RYR3: variants seen among roughly 807,000 people sequenced by gnomAD.
The protein encoded by RYR3 is ryanodine receptor 3, also known as brain ryanodine receptor-calcium release channel.
In RYR3, 207 loss-of-function variants were observed where a neutral mutation model predicts 584.3. The observed-to-expected ratio is 0.35, with a 90% confidence interval of 0.32 to 0.40. RYR3 has a LOEUF of 0.40. Ranked by LOEUF, RYR3 falls within the 10% of genes least tolerant of loss-of-function variation. RYR3 has a pLI of 1.00. For missense variants in RYR3, 5,616 were observed against 6,089.2 expected (o/e 0.92, Z 2.59); for synonymous variants, 2,416 against 2,248.5 (o/e 1.07, Z -2.11).
At chr15:33,401,007 T>C (rs897117328) in intron 1 of RYR3, among the ~76,000 whole-genome samples, 1 of 152,002 alleles carries the variant, frequency 6.6e-6, no homozygotes, top group Admixed American at 6.5e-5. Flanking sequence ...GAAATAACTG[T>C]TGGTTCTGTA....
chr15:33,702,593 CCAAATGGCATTGT>C (rs1273143663), intron 42 of RYR3, among the ~76,000 whole-genome samples: 3 of 152,018 alleles, frequency 2.0e-5, no homozygotes, highest in African/African-American at 4.8e-5. Context: ...CCCAGGGCTC[CCAAATGGCATTGT>C]CAAGTAGGGA....
Position 33,662,804 on chromosome 15 carries a change from T to C in RYR3, c.5274T>C (p.His1758=). 6.2e-7 allele frequency: 1 copy of C among 1,613,840 alleles called. No individual in the cohort carries two copies. The highest frequency in any genetic ancestry group is 8.5e-7 in the Non-Finnish European group (1 of 1,179,846). ...TTGATCCCTCTGTGTTTGGGGAGCATAGTGCGGGGACAGAGGAGGGAGCAG... is the reference window on the plus strand; with the variant it reads ...TTGATCCCTCTGTGTTTGGGGAGCACAGTGCGGGGACAGAGGAGGGAGCAG... ...LLIDPSVFGE[H]SAGTEEGAEK... The change falls in exon 35 of 104, where the codon CAT becomes CAC. Residue 1758 remains histidine, a synonymous_variant. Coordinates refer to ENST00000634891, the MANE Select transcript of RYR3 (RefSeq NM_001036.6).
chr15:33,351,565 T>G (rs1479884372), intron 1 of RYR3, among the ~76,000 whole-genome samples: 11 of 149,368 alleles, frequency 7.4e-5, no homozygotes, highest in South Asian at 4.3e-4. Flanking sequence ...TCCACCATGA[T>G]CAAGTGGGCT....
chr15:33,700,312 G>A (rs1432874351), intron 41 of RYR3, among the ~76,000 whole-genome samples: 1 of 152,204 alleles, frequency 6.6e-6, no homozygotes, highest in Non-Finnish European at 1.5e-5. Flanking sequence ...CTGGCCAAGA[G>A]CAATCGTGGA....
chr15:33,808,301 C>T (rs969745715), intron 70 of RYR3, among the ~76,000 whole-genome samples: 4 of 152,194 alleles, frequency 2.6e-5, no homozygotes, highest in Non-Finnish European at 5.9e-5. Context: ...ATCCCATTCT[C>T]ATTTACAAAA....
chr15:33,771,188 C>T lies in RYR3; in HGVS notation c.8817-732C>T, dbSNP rs2073539935. ...GTTGACTTATTTCCTTGCTCTTTTC[C>T]TCTAAGAGGTCTTACATCGGAAGAG... On this transcript the variant is annotated intron_variant, in intron 62 of 103. Transcript: ENST00000634891. Among the ~76,000 whole-genome samples, 4 of 152,220 alleles carry T rather than the reference C, an allele frequency of 2.6e-5. No individual in the cohort carries two copies. In the South Asian group the frequency reaches 8.3e-4, roughly 32 times the overall value.
intron 39 of RYR3, among the ~76,000 whole-genome samples, chr15:33,697,287 T>A (rs1000221295): frequency 6.6e-6 from 1 of 152,202 alleles, no homozygotes; most frequent in Non-Finnish European, 1.5e-5. Context: ...ATGAAGCGAC[T>A]TTTATGGGAA....
intron 45 of RYR3, among the ~76,000 whole-genome samples, chr15:33,725,566 G>A (rs944682686): frequency 1.3e-5 from 2 of 152,120 alleles, no homozygotes; most frequent in African/African-American, 2.4e-5. Context: ...AGCCCCTCAA[G>A]TTCTCTCTGA....
intron 3 of RYR3, among the ~76,000 whole-genome samples, chr15:33,510,740 T>G (rs1050548983): frequency 2.0e-5 from 3 of 152,140 alleles, no homozygotes; most frequent in African/African-American, 7.2e-5. Context: ...ATGAGAGGCC[T>G]CCAAACTAAA....
intron 1 of RYR3, among the ~76,000 whole-genome samples, chr15:33,378,321 G>A (rs184520787): frequency 1.9e-4 from 29 of 152,262 alleles, no homozygotes; most frequent in Admixed American, 1.4e-3. Context: ...ACAGCTCCAT[G>A]TCCCCTCTGC....
intron 2 of RYR3, among the ~76,000 whole-genome samples, chr15:33,490,744 T>TAAAA (rs3084449): frequency 1.4e-4 from 20 of 142,342 alleles, no homozygotes; most frequent in African/African-American, 4.4e-4. Flanking sequence ...TTACTCTTGT[T>TAAAA]AAAAAAAAAA....
At chr15:33,808,856 G>C (rs993378586) in intron 70 of RYR3, among the ~76,000 whole-genome samples, 2 of 152,094 alleles carry the variant, frequency 1.3e-5, no homozygotes, top group African/African-American at 2.4e-5. Flanking sequence ...TCCCACTGCT[G>C]TCCAAGGGCT....
intron 12 of RYR3, 55 bp downstream of exon 12, chr15:33,566,854 A>G (rs2057744642): frequency 2.5e-6 from 4 of 1,594,038 alleles, no homozygotes; most frequent in South Asian, 2.2e-5. Context: ...TGGCCTGCCA[A>G]CACCACCACC....
At chr15:33,569,333 A>G (rs36034694) in intron 12 of RYR3, among the ~76,000 whole-genome samples, 1 of 152,204 alleles carries the variant, frequency 6.6e-6, no homozygotes, top group East Asian at 1.9e-4. Flanking sequence ...CAGTGTCATC[A>G]CTACTATCCA....
At position 33,860,668 on chromosome 15, in the gene RYR3, A is replaced by C; in HGVS notation, c.14364+9A>C. The C allele has an allele frequency of 6.4e-7, 1 of 1,556,656 alleles. No individual in the cohort carries two copies. Among genetic ancestry groups the C allele is most frequent in the Non-Finnish European group, 8.8e-7 (1 of 1,140,160 alleles). On this transcript the variant is annotated intron_variant, in intron 101 of 103. Coordinates refer to ENST00000634891, the MANE Select transcript of RYR3 (RefSeq NM_001036.6). The stretch of plus-strand genomic sequence containing the variant: ...TACGAGAAGATATGGAGGTAATGTT[A>C]CTCTAACTACTAATCCCAGCTCTAT...
chr15:33,418,673 C>T (rs1167918256), intron 1 of RYR3, among the ~76,000 whole-genome samples: 1 of 152,020 alleles, frequency 6.6e-6, no homozygotes, highest in African/African-American at 2.4e-5. Context: ...ACAACTACCC[C>T]CTGGAAGCAG....
chr15:33,585,947 C>T, intron 15 of RYR3, 51 bp from the exon 16 acceptor site: 7 of 1,114,908 alleles, frequency 6.3e-6, no homozygotes, highest in Non-Finnish European at 9.7e-6. Context: ...ATTGTGGTCA[C>T]TTCTGCAGGG....
At chr15:33,599,055 C>CAA (rs35209074) in intron 16 of RYR3, among the ~76,000 whole-genome samples, 47 of 148,896 alleles carry the variant, frequency 3.2e-4, no homozygotes, top group East Asian at 1.8e-3. Context: ...ACTCCGTCTC[C>CAA]AAAAAAAAAA....
At chr15:33,348,260 C>T (rs1347291600) in intron 1 of RYR3, among the ~76,000 whole-genome samples, 2 of 152,102 alleles carry the variant, frequency 1.3e-5, no homozygotes, top group African/African-American at 4.8e-5. Context: ...AGCCCATAAC[C>T]CCTGTGGGAA....
Sources: allele counts gnomAD v4.1 joint callset (sites outside exome capture counted in the v4.1 genomes callset), GRCh38; gene constraint gnomAD v4.1.1; transcripts MANE v1.5; gene names NCBI Gene and HGNC (gene_info 2026-07-23, HGNC 2026-07-21).